The following LRRC20 variants were observed in gnomAD, a reference collection of about 807,000 sequenced individuals.
LRRC20 encodes the protein leucine-rich repeat-containing protein 20.
Under a neutral mutation model 14.4 loss-of-function variants are expected in LRRC20, and 11 were observed. That is an observed-to-expected ratio of 0.77 (90% CI 0.48 to 1.27). The LOEUF (loss-of-function observed/expected upper bound fraction) is 1.27, where lower values mean the gene tolerates loss of function less well. Among genes scored for constraint, LRRC20 ranks in the 50% most tolerant of loss-of-function variants. LRRC20 has a pLI of 0.00. For synonymous variants in LRRC20, 121 were observed against 107.3 expected (o/e 1.13, Z -0.79); for missense variants, 219 against 251.2 (o/e 0.87, Z 0.87).
intron 4 of LRRC20, among the ~76,000 whole-genome samples, chr10:70,308,308 T>G (rs1462610648): frequency 1.3e-5 from 2 of 152,152 alleles, no homozygotes; most frequent in African/African-American, 4.8e-5. Context: ...GAAGTAATTT[T>G]GCCTGGGGTC....
At chr10:70,357,341 G>A (rs952236739) in intron 2 of LRRC20, among the ~76,000 whole-genome samples, 1 of 152,196 alleles carries the variant, frequency 6.6e-6, no homozygotes, top group African/African-American at 2.4e-5. Flanking sequence ...ATTTTAAAAT[G>A]TAAACGTTAC....
At chr10:70,356,720 A>T (rs1843540443) in intron 2 of LRRC20, among the ~76,000 whole-genome samples, 1 of 151,326 alleles carries the variant, frequency 6.6e-6, no homozygotes, top group Non-Finnish European at 1.5e-5. Flanking sequence ...GTGTGGTGGC[A>T]GGTGCCTGTA....
chr10:70,304,638 T>C (rs1302217390), intron 4 of LRRC20, among the ~76,000 whole-genome samples: 1 of 151,816 alleles, frequency 6.6e-6, no homozygotes, highest in Non-Finnish European at 1.5e-5. Context: ...ATTCACATTG[T>C]TTTACAACCA....
At chr10:70,310,620 C>G (rs114839721) in intron 4 of LRRC20, among the ~76,000 whole-genome samples, 1 of 152,230 alleles carries the variant, frequency 6.6e-6, no homozygotes, top group South Asian at 2.1e-4. Flanking sequence ...ACAGTGCTCA[C>G]GGGTGCTCCA....
chr10:70,376,541 C>T lies in LRRC20; in HGVS notation c.-8G>A, dbSNP rs201426941. The T allele has an allele frequency of 2.5e-5, 41 of 1,612,950 alleles. No homozygotes were observed. In the East Asian group the frequency reaches 8.9e-4, roughly 35 times the overall value. On this transcript the variant is annotated 5_prime_UTR_variant, in exon 2 of 5. The change creates a new upstream start codon in the 5' untranslated region. Transcript: ENST00000446961. ...ACCCATCTTCTTCAGCATGCAGACA[C>T]AGGTGTCCTGCCGCCAGCCCCCAGG...
intron 2 of LRRC20, among the ~76,000 whole-genome samples, chr10:70,370,665 C>T (rs1290683546): frequency 6.6e-6 from 1 of 152,146 alleles, no homozygotes; most frequent in Non-Finnish European, 1.5e-5. Context: ...ATTGCTCGAA[C>T]CCAGGAGGTG....
In LRRC20 at chr10:70,300,349, C is replaced by T. The variant is rs1841124544; in HGVS notation, c.*1005G>A. On this transcript the variant is annotated 3_prime_UTR_variant, in exon 5 of 5. Transcript: ENST00000446961. ...GACAGCTGGTCACCCTGTTGCCTGA[C>T]CATACCCTAAGATGCCAGGTTGAGG... The T allele has an allele frequency of 4.1e-6, 4 of 985,188 alleles. No homozygotes were observed. The highest frequency in any genetic ancestry group is 4.8e-6 in the Non-Finnish European group (4 of 829,822). 61.0% of individuals were successfully genotyped at this position (985,188 alleles called of 1,614,324 possible).
intron 3 of LRRC20, among the ~76,000 whole-genome samples, chr10:70,332,368 G>A (rs914181962): frequency 6.6e-6 from 1 of 152,252 alleles, no homozygotes; most frequent in African/African-American, 2.4e-5. Flanking sequence ...GGCAGGCCAG[G>A]TGCAGTGGCT....
chr10:70,328,505 C>G (rs1842410565), intron 3 of LRRC20, among the ~76,000 whole-genome samples: 1 of 152,202 alleles, frequency 6.6e-6, no homozygotes, highest in Non-Finnish European at 1.5e-5. Flanking sequence ...CCATGTTGGC[C>G]AGGCTAGTCT....
intron 4 of LRRC20, among the ~76,000 whole-genome samples, chr10:70,311,495 T>G (rs551203160): frequency 6.6e-5 from 10 of 152,236 alleles, no homozygotes; most frequent in South Asian, 2.1e-4. Context: ...GTGCTGGGAT[T>G]ACAGGCATGA....
chr10:70,304,740 C>T (rs1192714708), intron 4 of LRRC20, among the ~76,000 whole-genome samples: 3 of 151,946 alleles, frequency 2.0e-5, no homozygotes, highest in African/African-American at 4.8e-5. Flanking sequence ...CTGGCAACCA[C>T]CATGAATTTG....
At chr10:70,372,430 C>T (rs1844309963) in intron 2 of LRRC20, among the ~76,000 whole-genome samples, 1 of 144,150 alleles carries the variant, frequency 6.9e-6, no homozygotes, top group Non-Finnish European at 1.5e-5. Flanking sequence ...TGAGAATGTG[C>T]CAATCCTTCT....
chr10:70,324,921 G>A (rs1842261079), intron 3 of LRRC20, among the ~76,000 whole-genome samples: 1 of 152,082 alleles, frequency 6.6e-6, no homozygotes, highest in Non-Finnish European at 1.5e-5. Flanking sequence ...CTCACCTGTA[G>A]CAAGGAGCTA....
At position 70,313,221 on chromosome 10, in the gene LRRC20, T is replaced by A. The variant is rs1367962810; in HGVS notation, c.400+10642A>T. The stretch of plus-strand genomic sequence containing the variant: ...TTTATCCTCCCCGCCCTCTGCACCC[T>A]CCTCCTTCCTTCTGCACTCCGGCCA... On this transcript the variant is annotated intron_variant, in intron 4 of 4. Coordinates refer to ENST00000446961, the MANE Select transcript of LRRC20 (RefSeq NM_001278212.2). 4.6e-5 allele frequency among the ~76,000 whole-genome samples: 7 copies of A among 152,324 alleles called. No homozygotes were observed. In the East Asian group the frequency reaches 1.2e-3, roughly 25 times the overall value.
intron 2 of LRRC20, among the ~76,000 whole-genome samples, chr10:70,362,841 T>G (rs1249434231): frequency 2.6e-5 from 4 of 152,160 alleles, no homozygotes; most frequent in African/African-American, 9.7e-5. Context: ...CAACTGAATG[T>G]ATGTGTCACC....
intron 4 of LRRC20, among the ~76,000 whole-genome samples, chr10:70,320,340 T>TAGAC (rs1183184241): frequency 1.1e-4 from 16 of 151,964 alleles, no homozygotes; most frequent in African/African-American, 3.9e-4. Flanking sequence ...GATAGATAGA[T>TAGAC]AGATAGATCT....
At chr10:70,313,101 CA>C (rs1355846310) in intron 4 of LRRC20, among the ~76,000 whole-genome samples, 1 of 152,230 alleles carries the variant, frequency 6.6e-6, no homozygotes, top group African/African-American at 2.4e-5. Context: ...AAAGCCAGAT[CA>C]TAACAATTCT....
intron 4 of LRRC20, among the ~76,000 whole-genome samples, chr10:70,306,920 A>G (rs1039461601): frequency 6.6e-5 from 10 of 152,194 alleles, no homozygotes; most frequent in African/African-American, 2.2e-4. Context: ...GTGATTTACA[A>G]TTCATTATTG....
At chr10:70,355,979 T>C (rs1290575335) in intron 2 of LRRC20, among the ~76,000 whole-genome samples, 1 of 152,222 alleles carries the variant, frequency 6.6e-6, no homozygotes, top group African/African-American at 2.4e-5. Flanking sequence ...AATAATGTGC[T>C]ACAGAGAGTT....
Sources: allele counts gnomAD v4.1 joint callset (sites outside exome capture counted in the v4.1 genomes callset), GRCh38; gene constraint gnomAD v4.1.1; transcripts MANE v1.5; gene names NCBI Gene and HGNC (gene_info 2026-07-23, HGNC 2026-07-21).